The following SHROOM3 variants were observed in gnomAD, a reference collection of about 807,000 sequenced individuals.
The protein encoded by SHROOM3 is shroom family member 3, also known as protein Shroom3.
A neutral mutation model predicts 138.6 loss-of-function variants in SHROOM3; 47 were observed. The observed-to-expected ratio is 0.34, with a 90% CI of 0.27 to 0.43. The LOEUF is 0.43. Ranked by LOEUF, SHROOM3 falls within the 20% of genes least tolerant of loss-of-function variation. The pLI is 1.00. For synonymous variants in SHROOM3, 1,062 were observed against 1,063.3 expected (o/e 1.00, Z 0.02); for missense variants, 2,491 against 2,596.5 (o/e 0.96, Z 0.88).
intron 3 of SHROOM3, chr4:76,716,326 G>A (rs764482043): frequency 1.9e-6 from 1 of 519,002 alleles, no homozygotes; most frequent in South Asian, 1.4e-5. Flanking sequence ...CAGTAGCAGG[G>A]CAGAATGGCT....
chr4:76,586,011 T>C (rs1560554843), intron 2 of SHROOM3: 1 of 152,676 alleles, frequency 6.5e-6, no homozygotes, highest in Non-Finnish European at 1.5e-5. Flanking sequence ...GCGACACTTG[T>C]TGGGGACGGG....
chr4:76,605,683 G>A (rs1414708580), intron 2 of SHROOM3, among the ~76,000 whole-genome samples: 1 of 151,456 alleles, frequency 6.6e-6, no homozygotes, highest in Non-Finnish European at 1.5e-5. Flanking sequence ...CTGAAGAGGG[G>A]GAAAATATTT....
At chr4:76,478,484 G>A (rs777244204) in intron 1 of SHROOM3, among the ~76,000 whole-genome samples, 1 of 152,232 alleles carries the variant, frequency 6.6e-6, no homozygotes, top group African/African-American at 2.4e-5. Context: ...CCAGGCAGGG[G>A]TTGATAAATA....
intron 2 of SHROOM3, among the ~76,000 whole-genome samples, chr4:76,702,615 A>G (rs1481468353): frequency 6.6e-6 from 1 of 152,182 alleles, no homozygotes; most frequent in Non-Finnish European, 1.5e-5. Context: ...CGGAATCCAC[A>G]TCGTCCATAT....
intron 1 of SHROOM3, among the ~76,000 whole-genome samples, chr4:76,532,905 A>G (rs552566514): frequency 1.2e-4 from 18 of 152,270 alleles, no homozygotes; most frequent in Non-Finnish European, 2.1e-4. Context: ...AATAAGGGGT[A>G]CTTGAACACA....
At chr4:76,453,891 A>G (rs1560510911) in intron 1 of SHROOM3, among the ~76,000 whole-genome samples, 1 of 152,216 alleles carries the variant, frequency 6.6e-6, no homozygotes, top group Admixed American at 6.5e-5. Context: ...GATAAAGCAC[A>G]CTACTTTTTC....
rs1003692887 is a variant in SHROOM3 at position 76,734,207 on chromosome 4, C to T, written c.587+3272C>T. 2.6e-5 allele frequency among the ~76,000 whole-genome samples: 4 copies of T among 151,938 alleles called. No individual in the cohort carries two copies. The South Asian group carries it at 6.2e-4, about 24-fold the overall frequency. On this transcript the variant is annotated intron_variant, in intron 4 of 10. Transcript: ENST00000296043. ...ATTATTTGTTTCCCAAAATGTGTTC[C>T]GTGGAATAACAATCCACTAGATACT...
intron 4 of SHROOM3, among the ~76,000 whole-genome samples, 172 bp from the exon 5 acceptor site, chr4:76,738,589 C>T (rs527938934): frequency 6.6e-6 from 1 of 152,322 alleles, no homozygotes; most frequent in African/African-American, 2.4e-5. Context: ...GCAGTTACTC[C>T]TAGCGATGAC....
intron 1 of SHROOM3, among the ~76,000 whole-genome samples, chr4:76,443,676 T>C (rs1730744427): frequency 6.6e-6 from 1 of 152,096 alleles, no homozygotes; most frequent in African/African-American, 2.4e-5. Context: ...AAGCACTGTT[T>C]CTCCCCCTCT....
At chr4:76,574,120 A>G (rs1733888873) in intron 2 of SHROOM3, among the ~76,000 whole-genome samples, 1 of 152,112 alleles carries the variant, frequency 6.6e-6, no homozygotes, top group Non-Finnish European at 1.5e-5. Flanking sequence ...ACTTGCCACC[A>G]TCTTTTCCCT....
chr4:76,669,688 T>C (rs553565660), intron 2 of SHROOM3, among the ~76,000 whole-genome samples: 5 of 151,698 alleles, frequency 3.3e-5, no homozygotes, highest in Admixed American at 2.6e-4. Context: ...AAAAAAAAAA[T>C]AATAATTGTT....
chr4:76,476,742 CTCTCCTTTCA>C (rs1731492409), intron 1 of SHROOM3, among the ~76,000 whole-genome samples: 1 of 152,154 alleles, frequency 6.6e-6, no homozygotes, highest in Non-Finnish European at 1.5e-5. Flanking sequence ...AATATGCAGT[CTCTCCTTTCA>C]TCTCTTAATC....
chr4:76,687,644 T>C (rs1719380354), intron 2 of SHROOM3, among the ~76,000 whole-genome samples: 1 of 152,234 alleles, frequency 6.6e-6, no homozygotes, highest in South Asian at 2.1e-4. Flanking sequence ...CATCTAAAAA[T>C]ATCGGATGAT....
intron 1 of SHROOM3, among the ~76,000 whole-genome samples, chr4:76,487,018 G>A (rs115659380): frequency 6.6e-6 from 1 of 151,880 alleles, no homozygotes; most frequent in Non-Finnish European, 1.5e-5. Flanking sequence ...CTATCACCAC[G>A]ATCAATTTTG....
intron 1 of SHROOM3, among the ~76,000 whole-genome samples, chr4:76,529,713 A>G (rs1211203842): frequency 1.4e-5 from 2 of 138,074 alleles, no homozygotes; most frequent in Non-Finnish European, 3.1e-5. Flanking sequence ...CCCTACGTAC[A>G]GGACTGGACT....
chr4:76,523,874 A>T (rs1732624185), intron 1 of SHROOM3, among the ~76,000 whole-genome samples: 1 of 152,208 alleles, frequency 6.6e-6, no homozygotes, highest in South Asian at 2.1e-4. Flanking sequence ...TGTGTGTGTG[A>T]CAATGGTGGT....
At chr4:76,689,958 A>G (rs1216043497) in intron 2 of SHROOM3, among the ~76,000 whole-genome samples, 4 of 152,216 alleles carry the variant, frequency 2.6e-5, no homozygotes, top group Non-Finnish European at 5.9e-5. Flanking sequence ...ATTGTTGATT[A>G]TTGACAGCAT....
chr4:76,461,258 C>A (rs912135271), intron 1 of SHROOM3, among the ~76,000 whole-genome samples: 1 of 152,086 alleles, frequency 6.6e-6, no homozygotes, highest in African/African-American at 2.4e-5. Flanking sequence ...TAGTATCATA[C>A]AAAAGAGTCA....
intron 2 of SHROOM3, among the ~76,000 whole-genome samples, chr4:76,605,362 G>A (rs1365299503): frequency 1.3e-5 from 2 of 152,072 alleles, no homozygotes; most frequent in Non-Finnish European, 2.9e-5. Flanking sequence ...CATTCTAGTG[G>A]GAGAGAACAG....
Sources: allele counts gnomAD v4.1 joint callset (sites outside exome capture counted in the v4.1 genomes callset), GRCh38; gene constraint gnomAD v4.1.1; transcripts MANE v1.5; gene names NCBI Gene and HGNC (gene_info 2026-07-23, HGNC 2026-07-21).